Variants in FAT3 observed in about 807,000 individuals in gnomAD.
FAT3 encodes FAT atypical cadherin 3.
Under a neutral mutation model 310.2 loss-of-function variants are expected in FAT3, and 95 were observed. The ratio of observed to expected loss-of-function variants is 0.31; its 90% CI spans 0.26 to 0.36. The LOEUF (loss-of-function observed/expected upper bound fraction) is 0.36. FAT3 is among the 10% of genes least tolerant of loss of function. FAT3 has a pLI of 1.00. For missense variants in FAT3, 5,408 were observed against 5,715.6 expected, an observed-to-expected ratio of 0.95 and a Z score of 1.74; for synonymous variants, 2,314 against 2,192.9, an observed-to-expected ratio of 1.06 and a Z score of -1.54.
chr11:92,714,130 T>G (rs1379951115), intron 4 of FAT3, among the ~76,000 whole-genome samples: 1 of 152,176 alleles, frequency 6.6e-6, no homozygotes, highest in Non-Finnish European at 1.5e-5. Context: ...TTTTATAGAC[T>G]GTTTGTATTA....
chr11:92,346,021 C>G (rs1463432232), intron 1 of FAT3, among the ~76,000 whole-genome samples: 1 of 152,136 alleles, frequency 6.6e-6, no homozygotes, highest in Non-Finnish European at 1.5e-5. Flanking sequence ...CTTATACATT[C>G]TCTAGCTACA....
At chr11:92,462,552 C>T (rs1427541024) in intron 2 of FAT3, among the ~76,000 whole-genome samples, 1 of 152,010 alleles carries the variant, frequency 6.6e-6, no homozygotes, top group Admixed American at 6.6e-5. Flanking sequence ...GAAGGTAAAA[C>T]CAAAGTGAGA....
At chr11:92,768,486 C>A (rs576948588) in intron 6 of FAT3, among the ~76,000 whole-genome samples, 1 of 152,306 alleles carries the variant, frequency 6.6e-6, no homozygotes, top group Non-Finnish European at 1.5e-5. Flanking sequence ...CCATCAGAGT[C>A]ATTTTTTCTC....
intron 7 of FAT3, among the ~76,000 whole-genome samples, chr11:92,785,777 A>G (rs1406659268): frequency 6.7e-6 from 1 of 149,702 alleles, no homozygotes; most frequent in Non-Finnish European, 1.5e-5. Flanking sequence ...TCCTTTATTA[A>G]CCTGTCATTA....
chr11:92,574,299 G>T (rs1419915577), intron 3 of FAT3, among the ~76,000 whole-genome samples: 1 of 152,134 alleles, frequency 6.6e-6, no homozygotes, highest in East Asian at 1.9e-4. Flanking sequence ...AAACATACAA[G>T]AGACTGAAAT....
intron 19 of FAT3, among the ~76,000 whole-genome samples, chr11:92,851,316 T>C (rs1478068269): frequency 6.6e-6 from 1 of 152,240 alleles, no homozygotes; most frequent in Non-Finnish European, 1.5e-5. Flanking sequence ...AATTTGTTTT[T>C]ATAATAAATG....
intron 13 of FAT3, among the ~76,000 whole-genome samples, chr11:92,825,521 C>T (rs777553266): frequency 1.5e-4 from 23 of 152,000 alleles, no homozygotes; most frequent in Non-Finnish European, 2.8e-4. Flanking sequence ...AGAGAACATT[C>T]GGAGAAGAGG....
At chr11:92,760,526 A>G (rs772531575) in intron 4 of FAT3, among the ~76,000 whole-genome samples, 22 of 152,206 alleles carry the variant, frequency 1.4e-4, no homozygotes, top group Non-Finnish European at 2.9e-4. Context: ...TGATTTAAAG[A>G]TTAAATATGG....
intron 2 of FAT3, among the ~76,000 whole-genome samples, chr11:92,361,470 A>G (rs923319826): frequency 6.6e-6 from 1 of 152,076 alleles, no homozygotes; most frequent in African/African-American, 2.4e-5. Context: ...ACCCTCGTGA[A>G]TGGGATTAAT....
intron 4 of FAT3, among the ~76,000 whole-genome samples, chr11:92,710,678 A>G (rs1209487219): frequency 6.6e-6 from 1 of 152,222 alleles, no homozygotes; most frequent in Non-Finnish European, 1.5e-5. Flanking sequence ...TCATCTCTGA[A>G]TGAAGAATTA....
At position 92,518,910 on chromosome 11, in the gene FAT3, A is replaced by G. The variant is rs1464578818; in HGVS notation, c.3293-5724A>G. 4.6e-5 allele frequency among the ~76,000 whole-genome samples: 7 copies of G among 152,250 alleles called. No homozygotes were observed. In the East Asian group the frequency reaches 1.2e-3, roughly 25 times the overall value. ...GAGAAATGAAAGAAGACAAATACATAAAGATAAATACCATTTTTATGGATC... is the reference window on the plus strand; with the variant it reads ...GAGAAATGAAAGAAGACAAATACATGAAGATAAATACCATTTTTATGGATC... On this transcript the variant is annotated intron_variant, in intron 2 of 27. Transcript: ENST00000525166.
chr11:92,250,067 T>C (rs1201246034), intron 1 of FAT3, among the ~76,000 whole-genome samples: 2 of 152,130 alleles, frequency 1.3e-5, no homozygotes, highest in South Asian at 2.1e-4. Context: ...TGAAGTCTTA[T>C]TGTTATTATT....
At chr11:92,578,070 G>A (rs554198712) in intron 3 of FAT3, among the ~76,000 whole-genome samples, 13 of 152,158 alleles carry the variant, frequency 8.5e-5, no homozygotes, top group East Asian at 7.7e-4. Flanking sequence ...ACAGTATGAC[G>A]GGACTCATAG....
chr11:92,588,436 C>G (rs1939261518), intron 3 of FAT3, among the ~76,000 whole-genome samples: 1 of 151,968 alleles, frequency 6.6e-6, no homozygotes, highest in Admixed American at 6.6e-5. Flanking sequence ...TGATTAATTA[C>G]AGCCTGACCC....
At chr11:92,380,075 G>GTA (rs1054959123) in intron 2 of FAT3, among the ~76,000 whole-genome samples, 1 of 80,642 alleles carries the variant, frequency 1.2e-5, no homozygotes, top group African/African-American at 7.4e-5. Context: ...ACTGATTCGT[G>GTA]TGTGTGTGTG....
chr11:92,837,540 A>T, intron 16 of FAT3, 123 bp from the exon 17 acceptor site: 3 of 1,230,592 alleles, frequency 2.4e-6, no homozygotes, highest in Non-Finnish European at 2.3e-6. Context: ...CCCGGTCTGG[A>T]AAATCAAACT....
At chr11:92,519,168 G>A (rs1239180794) in intron 2 of FAT3, among the ~76,000 whole-genome samples, 1 of 152,128 alleles carries the variant, frequency 6.6e-6, no homozygotes, top group Admixed American at 6.6e-5. Context: ...CATTAATCAA[G>A]ACAATGTGAT....
intron 3 of FAT3, among the ~76,000 whole-genome samples, chr11:92,569,144 G>A (rs1955581533): frequency 6.6e-6 from 1 of 152,076 alleles, no homozygotes; most frequent in Admixed American, 6.6e-5. Context: ...TAGCCCAGTG[G>A]CTGAGACCAG....
intron 21 of FAT3, among the ~76,000 whole-genome samples, chr11:92,861,517 T>C (rs3842934): frequency 0.82 from 125,096 of 152,236 alleles, 51,606 homozygotes; most frequent in South Asian, 0.9. Context: ...AATTGAATCT[T>C]GGTAAATGGA....
Sources: gnomAD v4.1 joint callset for allele counts (sites outside exome capture counted in the v4.1 genomes callset) on GRCh38, gnomAD v4.1.1 for gene constraint, MANE v1.5 for transcripts, NCBI Gene and HGNC (gene_info 2026-07-23, HGNC 2026-07-21) for gene names.